The following SEMA5A variants were observed in gnomAD, a reference collection of about 807,000 sequenced individuals.
The protein encoded by SEMA5A is semaphorin-5A.
Under a neutral mutation model 135.5 loss-of-function variants are expected in SEMA5A, and 55 were observed. That is an observed-to-expected ratio of 0.41 (90% CI 0.33 to 0.51). SEMA5A has a LOEUF of 0.51. SEMA5A is among the 20% of genes least tolerant of loss of function. The pLI, the probability that SEMA5A is intolerant of heterozygous loss-of-function variation, is 0.37. For missense variants in SEMA5A, 1,290 were observed against 1,419.9 expected (o/e 0.91, Z 1.47); for synonymous variants, 580 against 546.5 (o/e 1.06, Z -0.85).
intron 2 of SEMA5A, among the ~76,000 whole-genome samples, chr5:9,421,000 A>C (rs893427807): frequency 6.6e-6 from 1 of 152,232 alleles, no homozygotes; most frequent in East Asian, 1.9e-4. Flanking sequence ...TGGGTGACAG[A>C]GCGAGACTTT....
At chr5:9,502,479 A>C (rs772276121) in intron 1 of SEMA5A, among the ~76,000 whole-genome samples, 156 of 152,200 alleles carry the variant, frequency 1.0e-3, no homozygotes, top group Non-Finnish European at 1.5e-3. Context: ...ACAGTATCCC[A>C]GCAAAAACTT....
chr5:9,390,422 C>T (rs1248178778), intron 2 of SEMA5A, among the ~76,000 whole-genome samples: 1 of 152,094 alleles, frequency 6.6e-6, no homozygotes, highest in African/African-American at 2.4e-5. Context: ...ATAATTCACA[C>T]CAGAAAGAAA....
At chr5:9,467,458 T>A (rs934087746) in intron 1 of SEMA5A, among the ~76,000 whole-genome samples, 1 of 152,136 alleles carries the variant, frequency 6.6e-6, no homozygotes, top group Admixed American at 6.6e-5. Flanking sequence ...ATTCCCAGAT[T>A]AGAACTCCAG....
At chr5:9,330,016 T>G (rs1469989921) in intron 4 of SEMA5A, among the ~76,000 whole-genome samples, 1 of 152,202 alleles carries the variant, frequency 6.6e-6, no homozygotes, top group Non-Finnish European at 1.5e-5. Context: ...TATTTTAGGC[T>G]TGTGGTTAAA....
intron 16 of SEMA5A, among the ~76,000 whole-genome samples, chr5:9,081,340 A>G (rs1040346952): frequency 2.0e-5 from 3 of 152,176 alleles, no homozygotes; most frequent in African/African-American, 7.2e-5. Flanking sequence ...GATAATAAAT[A>G]CATGTAGTAT....
chr5:9,057,069 A>T (rs1736931713), intron 18 of SEMA5A, among the ~76,000 whole-genome samples: 1 of 152,244 alleles, frequency 6.6e-6, no homozygotes, highest in Admixed American at 6.5e-5. Flanking sequence ...CAGGTATCTA[A>T]AATAGTCAAA....
chr5:9,481,377 G>A (rs788119), intron 1 of SEMA5A, among the ~76,000 whole-genome samples: 1 of 152,118 alleles, frequency 6.6e-6, no homozygotes, highest in Non-Finnish European at 1.5e-5. Flanking sequence ...GCTTATTTTG[G>A]TCTAGATCAC....
intron 1 of SEMA5A, among the ~76,000 whole-genome samples, chr5:9,505,752 A>T (rs1735848730): frequency 6.6e-6 from 1 of 152,208 alleles, no homozygotes; most frequent in Admixed American, 6.5e-5. Flanking sequence ...TAAGTCAATG[A>T]TTTATTTCTA....
intron 2 of SEMA5A, among the ~76,000 whole-genome samples, chr5:9,395,042 T>C (rs533123624): frequency 1.3e-5 from 2 of 152,290 alleles, no homozygotes; most frequent in East Asian, 1.9e-4. Flanking sequence ...AAAAATATAA[T>C]TCTATATTAA....
chr5:9,459,504 A>G (rs771745187), intron 1 of SEMA5A, among the ~76,000 whole-genome samples: 7 of 152,176 alleles, frequency 4.6e-5, no homozygotes, highest in Non-Finnish European at 1.0e-4. Flanking sequence ...CAGTCCTACA[A>G]CCACAAGGAA....
intron 18 of SEMA5A, among the ~76,000 whole-genome samples, chr5:9,055,961 A>T (rs1736867733): frequency 1.3e-5 from 2 of 152,098 alleles, no homozygotes. Flanking sequence ...TTGTAACCTA[A>T]ATTGGAGCTT....
rs1735834282 is a variant in SEMA5A, at chr5:9,039,348, C to T, written c.*3549G>A. ...TTTGCTTCTTTTCTATTTGCCATCA[C>T]CTGTGACCCGATGGGGCCAGACCCC... On this transcript the variant is annotated 3_prime_UTR_variant, in exon 23 of 23. Transcript: ENST00000382496. 6.6e-6 allele frequency: 1 copy of T among 152,438 alleles called. No homozygotes were observed. Among genetic ancestry groups the T allele is most frequent in the Admixed American group, 6.5e-5 (1 of 15,298 alleles). 9.4% of individuals were successfully genotyped at this position (152,438 alleles called of 1,614,324 possible).
At chr5:9,429,450 G>A (rs1446113936) in intron 2 of SEMA5A, among the ~76,000 whole-genome samples, 2 of 152,092 alleles carry the variant, frequency 1.3e-5, no homozygotes. Context: ...TCCCTGGCAG[G>A]GTAGAGCTTA....
intron 12 of SEMA5A, among the ~76,000 whole-genome samples, chr5:9,152,473 T>C (rs544964154): frequency 1.3e-5 from 2 of 152,314 alleles, no homozygotes; most frequent in South Asian, 2.1e-4. Context: ...TGGCAGTTAA[T>C]AAATACCACT....
rs60138856 is a variant in SEMA5A at position 9,418,366 on chromosome 5, A to G, written c.-78+19390T>C. On this transcript the variant is annotated intron_variant, in intron 2 of 22. Transcript: ENST00000382496. ...TCTCAAAGGTCCACCTTATAATACT[A>G]TCAAACTGGGTGTTAGGATTTCAAC... 9.0e-3 allele frequency among the ~76,000 whole-genome samples: 1,364 copies of G among 152,300 alleles called. 20 individuals carry two copies. The highest frequency in any genetic ancestry group is 0.031 in the African/African-American group (1,287 of 41,550).
At chr5:9,085,619 T>A (rs914573464) in intron 16 of SEMA5A, among the ~76,000 whole-genome samples, 1 of 152,112 alleles carries the variant, frequency 6.6e-6, no homozygotes, top group African/African-American at 2.4e-5. Context: ...TGGAAACACA[T>A]GAATGTCCAG....
intron 5 of SEMA5A, among the ~76,000 whole-genome samples, chr5:9,300,622 A>G (rs1751569382): frequency 6.6e-6 from 1 of 152,194 alleles, no homozygotes; most frequent in South Asian, 2.1e-4. Flanking sequence ...CAAAACATAT[A>G]TCTATTTGGA....
chr5:9,353,386 A>ACGAAAGGAAAGGAAAGGAAG (rs1754296820), intron 3 of SEMA5A, among the ~76,000 whole-genome samples: 1 of 142,306 alleles, frequency 7.0e-6, no homozygotes, highest in African/African-American at 2.8e-5. Flanking sequence ...AGGAAAGGAA[A>ACGAAAGGAAAGGAAAGGAAG]GGAAAGGAAG....
In SEMA5A at chr5:9,404,125, G is replaced by A. The variant is rs760789673; in HGVS notation, c.-77-24102C>T. Among the ~76,000 whole-genome samples the A allele has an allele frequency of 5.9e-5, 9 of 152,164 alleles. No homozygotes were observed. The South Asian group carries it at 1.0e-3, about 18-fold the overall frequency. On this transcript the variant is annotated intron_variant, in intron 2 of 22. Coordinates refer to ENST00000382496, the MANE Select transcript of SEMA5A (RefSeq NM_003966.3). ...AATTTTGTATTTTTAGTAGAGATGCGGTTTCACCATGTTGGCTAGGCTGGT... is the reference window on the plus strand; with the variant it reads ...AATTTTGTATTTTTAGTAGAGATGCAGTTTCACCATGTTGGCTAGGCTGGT...
Sources: gnomAD v4.1 joint callset for allele counts (sites outside exome capture counted in the v4.1 genomes callset) on GRCh38, gnomAD v4.1.1 for gene constraint, MANE v1.5 for transcripts, NCBI Gene and HGNC (gene_info 2026-07-23, HGNC 2026-07-21) for gene names.